The following CLASP1 variants were observed in gnomAD, a reference collection of about 807,000 sequenced individuals.
CLASP1 encodes the protein CLIP-associating protein 1.
A neutral mutation model predicts 192.3 loss-of-function variants in CLASP1; 38 were observed. That is an observed-to-expected ratio of 0.20 (90% CI 0.15 to 0.26). CLASP1 has a LOEUF of 0.26. Ranked by LOEUF, CLASP1 falls within the 10% of genes least tolerant of loss-of-function variation. CLASP1 has a pLI of 1.00. For synonymous variants in CLASP1, 691 were observed against 712.8 expected (o/e 0.97, Z 0.49); for missense variants, 1,433 against 1,932.5 (o/e 0.74, Z 4.85).
At chr2:121,498,808 A>G (rs2093632919) in intron 8 of CLASP1, among the ~76,000 whole-genome samples, 1 of 152,258 alleles carries the variant, frequency 6.6e-6, no homozygotes. Context: ...TAATAAGCAC[A>G]TGAAAAAGAT....
chr2:121,611,003 T>A (rs1198962394), intron 1 of CLASP1, among the ~76,000 whole-genome samples: 14 of 50,894 alleles, frequency 2.8e-4, no homozygotes, highest in South Asian at 6.0e-4. Flanking sequence ...GAGGAGGAGT[T>A]GGAGGAGTTA....
At chr2:121,550,529 C>T (rs1411345503) in intron 2 of CLASP1, among the ~76,000 whole-genome samples, 2 of 151,790 alleles carry the variant, frequency 1.3e-5, no homozygotes, top group African/African-American at 2.4e-5. Context: ...AGGGAAGATC[C>T]AAATAAACAC....
intron 1 of CLASP1, among the ~76,000 whole-genome samples, chr2:121,636,350 T>TAAC (rs1366380128): frequency 2.1e-5 from 3 of 143,260 alleles, no homozygotes; most frequent in Non-Finnish European, 3.0e-5. Context: ...ATAATAATAA[T>TAAC]AATAATAATA....
Position 121,347,167 on chromosome 2 carries a change from A to G in CLASP1, c.4414-13T>C. 2.0e-6 allele frequency: 3 copies of G among 1,528,464 alleles called. No individual in the cohort carries two copies. Among genetic ancestry groups the G allele is most frequent in the Non-Finnish European group, 1.8e-6 (2 of 1,122,672 alleles). The allele number at this position is 1,528,464 out of a possible 1,614,324, so 94.7% of individuals were successfully genotyped here. On this transcript the variant is annotated splice_polypyrimidine_tract_variant and intron_variant, in intron 38 of 39. Coordinates refer to ENST00000263710, the Ensembl canonical transcript of CLASP1. ...TGTTGTCATAACCCTAGAGAGCCAG[A>G]AGGGAACACGAAAAGGAAACCAGAT...
intron 2 of CLASP1, among the ~76,000 whole-genome samples, chr2:121,566,483 T>C (rs372642887): frequency 1.4e-3 from 207 of 152,332 alleles, no homozygotes; most frequent in Non-Finnish European, 2.0e-3. Flanking sequence ...AGTAGAACTA[T>C]AGCAGAGAAC....
At chr2:121,407,765 T>C (rs1296051247) in intron 24 of CLASP1, 50 bp from the exon 26 acceptor site, 4 of 1,609,164 alleles carry the variant, frequency 2.5e-6, no homozygotes, top group Non-Finnish European at 3.4e-6. Context: ...AATAGAAAGG[T>C]GAAATGACTG....
intron 2 of CLASP1, among the ~76,000 whole-genome samples, chr2:121,601,522 G>GT (rs1559736387): frequency 6.6e-6 from 1 of 152,002 alleles, no homozygotes; most frequent in Non-Finnish European, 1.5e-5. Context: ...CGCCTGCCTC[G>GT]GCCTCCCAAA....
chr2:121,366,834 C>T (rs1258037229), intron 35 of CLASP1, among the ~76,000 whole-genome samples: 1 of 151,984 alleles, frequency 6.6e-6, no homozygotes, highest in Non-Finnish European at 1.5e-5. Context: ...ATTCAGTTCC[C>T]GAAAAAAACA....
chr2:121,559,328 C>G (rs2058863485), intron 2 of CLASP1, among the ~76,000 whole-genome samples: 1 of 152,178 alleles, frequency 6.6e-6, no homozygotes, highest in Non-Finnish European at 1.5e-5. Flanking sequence ...CCATATGTCT[C>G]ATACATTCAG....
chr2:121,562,953 C>T (rs546219566), intron 2 of CLASP1, among the ~76,000 whole-genome samples: 1 of 152,166 alleles, frequency 6.6e-6, no homozygotes, highest in Non-Finnish European at 1.5e-5. Flanking sequence ...CAATGACAGT[C>T]CCAACACAGG....
At chr2:121,510,659 A>G (rs1274312106) in intron 7 of CLASP1, among the ~76,000 whole-genome samples, 1 of 151,974 alleles carries the variant, frequency 6.6e-6, no homozygotes, top group African/African-American at 2.4e-5. Flanking sequence ...TTACCCGCGC[A>G]TGGTAGCATG....
At chr2:121,337,834 T>G (rs559114647) in exon 40 of CLASP1, 4 of 152,472 alleles carry the variant, frequency 2.6e-5, no homozygotes, top group Non-Finnish European at 5.9e-5. Flanking sequence ...TTTTTCTTTT[T>G]TAGCAAATCC....
intron 22 of CLASP1, among the ~76,000 whole-genome samples, chr2:121,424,123 C>T (rs1251654385): frequency 6.6e-6 from 1 of 152,164 alleles, no homozygotes; most frequent in Admixed American, 6.5e-5. Context: ...CCTCCCCTAG[C>T]AAGAAATCTG....
chr2:121,619,389 A>G (rs971169026), intron 1 of CLASP1, among the ~76,000 whole-genome samples: 1 of 152,216 alleles, frequency 6.6e-6, no homozygotes, highest in Non-Finnish European at 1.5e-5. Context: ...TTCATAGTGG[A>G]GGGAAATCTA....
At chr2:121,386,215 A>T (rs1349120571) in intron 32 of CLASP1, among the ~76,000 whole-genome samples, 1 of 152,216 alleles carries the variant, frequency 6.6e-6, no homozygotes, top group Non-Finnish European at 1.5e-5. Flanking sequence ...AGTAACAAGG[A>T]CCCATTAAAG....
rs112547655 is a variant in CLASP1, at chr2:121,457,458, TACACACACAC to T, written c.1385+219_1385+228del. On this transcript the variant is annotated intron_variant, in intron 14 of 39. Transcript: ENST00000263710. Reference sequence around the variant, plus strand: ...AAACTCACTTTCTCTCACACAGACATACACACACACACACACACACACACACACACAGAAA... The same window carrying T: ...AAACTCACTTTCTCTCACACAGACATACACACACACACACACACACAGAAA... Among the ~76,000 whole-genome samples, 69 of 143,550 alleles carry T rather than the reference TACACACACAC, an allele frequency of 4.8e-4. 1 individual carries two copies. The highest frequency in any genetic ancestry group is 3.8e-3 in the Middle Eastern group (1 of 266). The allele number at this position is 143,550 out of a possible 152,430, so 94.2% of individuals were successfully genotyped here.
At position 121,447,630 on chromosome 2, in the gene CLASP1, A is replaced by G. The variant is rs1383755981; in HGVS notation, c.1742-123T>C. The G allele has an allele frequency of 1.7e-5, 14 of 841,648 alleles. No homozygotes were observed. The East Asian group carries it at 3.5e-4, about 21-fold the overall frequency. 52.1% of individuals were successfully genotyped at this position (841,648 alleles called of 1,614,324 possible). A position where few individuals can be genotyped will look rare whatever the true frequency, so the allele number is the denominator to read the frequency against. On this transcript the variant is annotated intron_variant, in intron 18 of 39. Coordinates refer to ENST00000263710, the Ensembl canonical transcript of CLASP1. ...ACCAAGTTTTAACAAATGCTGGAGCATAAAAAACTGACAAACAGTTTCTCC... is the reference window on the plus strand; with the variant it reads ...ACCAAGTTTTAACAAATGCTGGAGCGTAAAAAACTGACAAACAGTTTCTCC...
exon 25 of CLASP1, chr2:121,407,497 G>A (rs1190247317): frequency 1.1e-5 from 17 of 1,613,862 alleles, no homozygotes; most frequent in Non-Finnish European, 1.4e-5. Flanking sequence ...TCTTCAGTAA[G>A]TTCTGCAGGC....
intron 25 of CLASP1, 115 bp from the exon 27 acceptor site, chr2:121,404,549 C>G (rs1242305914): frequency 1.5e-5 from 14 of 917,798 alleles, no homozygotes; most frequent in Non-Finnish European, 2.3e-5. Flanking sequence ...TCACTACAGC[C>G]TTGATCTCCC....
Sources: gnomAD v4.1 joint callset for allele counts (sites outside exome capture counted in the v4.1 genomes callset) on GRCh38, gnomAD v4.1.1 for gene constraint, MANE v1.5 for transcripts, NCBI Gene and HGNC (gene_info 2026-07-23, HGNC 2026-07-21) for gene names.